The following CCSER1 variants were observed in gnomAD, a reference collection of about 807,000 sequenced individuals.
CCSER1 encodes the protein coiled-coil serine rich protein 1.
In CCSER1, 41 loss-of-function variants were observed where a neutral mutation model predicts 82.0. The ratio of observed to expected loss-of-function variants is 0.50; its 90% CI spans 0.39 to 0.65. The LOEUF (loss-of-function observed/expected upper bound fraction) is 0.65. Among genes scored for constraint, CCSER1 ranks in the 30% least tolerant of loss-of-function variants. CCSER1 has a pLI of 0.00. For synonymous variants in CCSER1, 414 were observed against 383.9 expected (o/e 1.08, Z -0.92); for missense variants, 1,119 against 1,064.2 (o/e 1.05, Z -0.72).
At chr4:90,523,827 A>AC (rs1319806091) in intron 5 of CCSER1, among the ~76,000 whole-genome samples, 6 of 152,194 alleles carry the variant, frequency 3.9e-5, no homozygotes, top group African/African-American at 1.4e-4. Context: ...ATCTGAAAAA[A>AC]ATCACTATAA....
At chr4:90,287,740 A>C (rs757210860) in intron 1 of CCSER1, among the ~76,000 whole-genome samples, 1 of 151,976 alleles carries the variant, frequency 6.6e-6, no homozygotes, top group Non-Finnish European at 1.5e-5. Context: ...TTTATTTTTA[A>C]AGAGTCTATT....
chr4:90,930,872 A>G (rs1019586233), intron 9 of CCSER1, among the ~76,000 whole-genome samples: 1 of 147,580 alleles, frequency 6.8e-6, no homozygotes, highest in African/African-American at 2.5e-5. Flanking sequence ...TGTGGTCTAC[A>G]ATCAGGAAAA....
At chr4:91,344,129 C>T (rs960589479) in intron 10 of CCSER1, among the ~76,000 whole-genome samples, 4 of 152,148 alleles carry the variant, frequency 2.6e-5, no homozygotes, top group African/African-American at 9.7e-5. Context: ...GTGATTAAGT[C>T]TTAAGGGCTT....
At chr4:90,674,258 A>G (rs1733369246) in intron 6 of CCSER1, among the ~76,000 whole-genome samples, 1 of 151,890 alleles carries the variant, frequency 6.6e-6, no homozygotes, top group South Asian at 2.1e-4. Flanking sequence ...ACTACTTATG[A>G]TGGGATTCTT....
intron 5 of CCSER1, among the ~76,000 whole-genome samples, chr4:90,618,066 T>C (rs185790243): frequency 3.3e-5 from 5 of 152,068 alleles, no homozygotes; most frequent in African/African-American, 1.2e-4. Context: ...ACAAGTCCTT[T>C]TGTTACTTTT....
chr4:90,875,451 A>C (rs56664095), intron 8 of CCSER1, among the ~76,000 whole-genome samples: 26,441 of 152,122 alleles, frequency 0.17, 2,348 homozygotes, highest in Middle Eastern at 0.21. Context: ...TTCACATCTC[A>C]TCTATTTTTA....
At chr4:90,543,602 A>G (rs1776373117) in intron 5 of CCSER1, among the ~76,000 whole-genome samples, 2 of 152,286 alleles carry the variant, frequency 1.3e-5, no homozygotes, top group Admixed American at 1.3e-4. Context: ...CCCATGACAG[A>G]GTCCATTGCA....
chr4:90,888,494 CA>C (rs1279931008), intron 8 of CCSER1, among the ~76,000 whole-genome samples: 9 of 152,056 alleles, frequency 5.9e-5, no homozygotes, highest in African/African-American at 1.9e-4. Flanking sequence ...CCCTGACTTA[CA>C]GTTTTGTTTT....
chr4:90,193,225 C>T (rs1285422941), intron 1 of CCSER1, among the ~76,000 whole-genome samples: 3 of 152,042 alleles, frequency 2.0e-5, no homozygotes, highest in Admixed American at 6.6e-5. Context: ...CTTCTTTTAG[C>T]CACCCTGGAG....
intron 10 of CCSER1, among the ~76,000 whole-genome samples, chr4:91,386,177 G>A (rs550349652): frequency 1.3e-5 from 2 of 151,508 alleles, no homozygotes; most frequent in Admixed American, 6.6e-5. Flanking sequence ...TTACAGAACT[G>A]GGGCAACAAG....
At chr4:91,168,423 G>T (rs1732390483) in intron 10 of CCSER1, among the ~76,000 whole-genome samples, 1 of 148,876 alleles carries the variant, frequency 6.7e-6, no homozygotes, top group African/African-American at 2.5e-5. Flanking sequence ...GAAGTGGGGA[G>T]TGCCTCTGCC....
At chr4:90,302,219 G>T (rs1428154627) in intron 1 of CCSER1, among the ~76,000 whole-genome samples, 1 of 152,132 alleles carries the variant, frequency 6.6e-6, no homozygotes, top group East Asian at 1.9e-4. Context: ...AAAGCAAGGA[G>T]AAATGGTTTT....
rs200539996 is a variant in CCSER1, at chr4:90,628,049, G to A, written c.1749G>A (p.Lys583=). 2.8e-5 allele frequency: 45 copies of A among 1,613,106 alleles called. No individual in the cohort carries two copies. Among genetic ancestry groups the A allele is most frequent in the Non-Finnish European group, 3.6e-5 (42 of 1,179,558 alleles). Residue 583 remains lysine, a synonymous_variant, in exon 6 of 11, where the codon AAG becomes AAA. Transcript: ENST00000509176. ...SKQNLSLKLT[K]DVDQEARCSH... Reference sequence around the variant, plus strand: ...GGAATCTTTCCCTGAAATTAACAAAGGACGTTGATCAAGAAGCCAGGTGTT... The same window carrying A: ...GGAATCTTTCCCTGAAATTAACAAAAGACGTTGATCAAGAAGCCAGGTGTT...
At chr4:91,516,065 T>C (rs1423445587) in intron 10 of CCSER1, among the ~76,000 whole-genome samples, 4 of 152,134 alleles carry the variant, frequency 2.6e-5, no homozygotes, top group Non-Finnish European at 5.9e-5. Flanking sequence ...TGTATGTTTT[T>C]TGCTTGTAAA....
At chr4:91,246,746 T>C (rs1739808762) in intron 10 of CCSER1, among the ~76,000 whole-genome samples, 1 of 152,086 alleles carries the variant, frequency 6.6e-6, no homozygotes, top group Non-Finnish European at 1.5e-5. Flanking sequence ...TATTAAAATA[T>C]CTCATGTACC....
chr4:90,322,392 T>C (rs1737325860), intron 3 of CCSER1, among the ~76,000 whole-genome samples: 1 of 152,262 alleles, frequency 6.6e-6, no homozygotes, highest in Admixed American at 6.5e-5. Context: ...CTTTGTAATG[T>C]AATTTGAAGT....
At chr4:91,220,769 G>T (rs1397284562) in intron 10 of CCSER1, among the ~76,000 whole-genome samples, 1 of 151,974 alleles carries the variant, frequency 6.6e-6, no homozygotes, top group African/African-American at 2.4e-5. Context: ...GAAAAAAAAG[G>T]AAAGAAAAGA....
At chr4:90,145,516 G>A (rs1040254193) in intron 1 of CCSER1, among the ~76,000 whole-genome samples, 2 of 151,990 alleles carry the variant, frequency 1.3e-5, no homozygotes, top group Non-Finnish European at 2.9e-5. Flanking sequence ...CTGACTCACC[G>A]TATTTAACAT....
chr4:91,582,172 T>C (rs1181354973), intron 10 of CCSER1, among the ~76,000 whole-genome samples: 1 of 151,480 alleles, frequency 6.6e-6, no homozygotes, highest in Non-Finnish European at 1.5e-5. Context: ...TTATTGGAGG[T>C]CTTGCTATTT....
Sources: gnomAD v4.1 joint callset for allele counts (sites outside exome capture counted in the v4.1 genomes callset) on GRCh38, gnomAD v4.1.1 for gene constraint, MANE v1.5 for transcripts, NCBI Gene and HGNC (gene_info 2026-07-23, HGNC 2026-07-21) for gene names.